The following DLGAP2 variants were observed in gnomAD, a reference collection of about 807,000 sequenced individuals.
DLGAP2 encodes DLG associated protein 2.
DLGAP2 carries 26 observed loss-of-function variants against 100.3 expected under a neutral mutation model. The observed-to-expected ratio is 0.26, with a 90% CI of 0.19 to 0.36. The LOEUF (loss-of-function observed/expected upper bound fraction) is 0.36. Ranked by LOEUF, DLGAP2 falls within the 10% of genes least tolerant of loss-of-function variation. The pLI is 1.00. For synonymous variants in DLGAP2, 886 were observed against 630.1 expected (o/e 1.41, Z -6.08); for missense variants, 1,858 against 1,453.2 (o/e 1.28, Z -4.53).
chr8:1,437,999 T>C (rs905108713), intron 3 of DLGAP2, among the ~76,000 whole-genome samples: 2 of 151,696 alleles, frequency 1.3e-5, no homozygotes, highest in South Asian at 4.2e-4. Flanking sequence ...AAAAATAAAA[T>C]GAATAAAATA....
At chr8:1,004,151 A>G (rs1051167756) in intron 2 of DLGAP2, among the ~76,000 whole-genome samples, 1 of 152,230 alleles carries the variant, frequency 6.6e-6, no homozygotes, top group Non-Finnish European at 1.5e-5. Context: ...CATACAAATT[A>G]AAATTCCCCT....
At chr8:1,628,650 C>T (rs113719487) in intron 7 of DLGAP2, among the ~76,000 whole-genome samples, 2 of 146,602 alleles carry the variant, frequency 1.4e-5, no homozygotes, top group Non-Finnish European at 3.0e-5. Flanking sequence ...TTCTGTCTGA[C>T]TTACTGTGGA....
intron 3 of DLGAP2, among the ~76,000 whole-genome samples, chr8:1,424,097 A>C (rs1464790186): frequency 6.6e-6 from 1 of 152,244 alleles, no homozygotes; most frequent in South Asian, 2.1e-4. Flanking sequence ...GGACACCAGC[A>C]TGAAGGTCCT....
chr8:1,442,710 G>A (rs1235244252), intron 3 of DLGAP2, among the ~76,000 whole-genome samples: 1 of 148,244 alleles, frequency 6.7e-6, no homozygotes, highest in Non-Finnish European at 1.5e-5. Flanking sequence ...TGGAGGAGAC[G>A]GATCCGGGCA....
intron 8 of DLGAP2, among the ~76,000 whole-genome samples, chr8:1,647,798 G>T (rs2469678): frequency 6.6e-6 from 1 of 152,152 alleles, no homozygotes; most frequent in Non-Finnish European, 1.5e-5. Flanking sequence ...GAACCCCAGA[G>T]ATTTATCTCT....
chr8:807,939 G>C (rs115254762), intron 1 of DLGAP2, among the ~76,000 whole-genome samples: 6,729 of 152,268 alleles, frequency 0.044, 245 homozygotes, highest in African/African-American at 0.091. Flanking sequence ...ACCGGGTCTT[G>C]TGATAAGATG....
chr8:1,106,592 C>A (rs1005007459), intron 2 of DLGAP2, among the ~76,000 whole-genome samples: 1 of 147,766 alleles, frequency 6.8e-6, no homozygotes. Flanking sequence ...GGAGGGTTTT[C>A]TGCTGAAGGA....
In DLGAP2 at chr8:1,010,326, CAT is replaced by C. The variant is rs555629636; in HGVS notation, c.73+102361_73+102362del. 7.6e-4 allele frequency among the ~76,000 whole-genome samples: 116 copies of C among 152,198 alleles called. 2 individuals are homozygous for C. Among genetic ancestry groups the C allele is most frequent in the African/African-American group, 2.7e-3 (114 of 41,504 alleles). ...TATCAGTTTTATACACACATACACA[CAT>C]GTGCCCACATATGCACACACATGCA... On this transcript the variant is annotated intron_variant, in intron 2 of 14. Transcript: ENST00000637795.
intron 1 of DLGAP2, among the ~76,000 whole-genome samples, chr8:750,087 G>A (rs1193024338): frequency 6.6e-6 from 1 of 152,260 alleles, no homozygotes; most frequent in East Asian, 1.9e-4. Context: ...CCTCTGCAAA[G>A]CCTGTCTTCC....
chr8:1,637,243 G>A (rs1345730728), intron 8 of DLGAP2, among the ~76,000 whole-genome samples: 1 of 152,108 alleles, frequency 6.6e-6, no homozygotes, highest in South Asian at 2.1e-4. Context: ...AATAAAACAC[G>A]CTATATGGGG....
chr8:1,645,488 A>G (rs1798019893), intron 8 of DLGAP2, among the ~76,000 whole-genome samples: 1 of 152,244 alleles, frequency 6.6e-6, no homozygotes, highest in Non-Finnish European at 1.5e-5. Flanking sequence ...TTTTTAGTGT[A>G]TGATGGGTTT....
intron 3 of DLGAP2, among the ~76,000 whole-genome samples, chr8:1,347,868 A>T (rs1487271890): frequency 7.2e-6 from 1 of 139,584 alleles, no homozygotes; most frequent in Non-Finnish European, 1.6e-5. Context: ...GCTACATTGC[A>T]CTCATGGTAG....
intron 1 of DLGAP2, among the ~76,000 whole-genome samples, chr8:746,592 G>A (rs577907742): frequency 6.6e-6 from 1 of 152,362 alleles, no homozygotes; most frequent in East Asian, 1.9e-4. Context: ...CTGGGCATGA[G>A]CCCCTCATCT....
chr8:1,257,702 G>C (rs1799257262), intron 2 of DLGAP2, among the ~76,000 whole-genome samples: 1 of 151,380 alleles, frequency 6.6e-6, no homozygotes, highest in Admixed American at 6.6e-5. Flanking sequence ...GTGCTGGCGT[G>C]GAAGAGCCGG....
intron 8 of DLGAP2, among the ~76,000 whole-genome samples, chr8:1,641,457 T>A (rs1797896913): frequency 1.3e-5 from 2 of 152,158 alleles, no homozygotes; most frequent in Non-Finnish European, 2.9e-5. Context: ...GGTAATGAGA[T>A]TTCAAGATGA....
intron 1 of DLGAP2, among the ~76,000 whole-genome samples, chr8:894,439 T>G (rs188171966): frequency 6.6e-6 from 1 of 151,982 alleles, no homozygotes; most frequent in Non-Finnish European, 1.5e-5. Flanking sequence ...GGAATACTAT[T>G]TAGCCTTAAA....
At chr8:1,627,834 G>A (rs966228912) in intron 7 of DLGAP2, among the ~76,000 whole-genome samples, 18 of 145,774 alleles carry the variant, frequency 1.2e-4, no homozygotes, top group African/African-American at 4.7e-4. Flanking sequence ...GTGGAGCAGG[G>A]ATTAAGAGCC....
At chr8:1,338,353 A>G (rs763901111) in intron 3 of DLGAP2, among the ~76,000 whole-genome samples, 2 of 152,244 alleles carry the variant, frequency 1.3e-5, no homozygotes, top group Non-Finnish European at 2.9e-5. Flanking sequence ...CACCACATAC[A>G]GATGCAAATA....
intron 2 of DLGAP2, among the ~76,000 whole-genome samples, chr8:1,118,372 C>G (rs2129047097): frequency 1.3e-5 from 2 of 152,260 alleles, no homozygotes; most frequent in South Asian, 4.1e-4. Context: ...TGTTCAGTTC[C>G]TTACGTGACT....
Sources: gnomAD v4.1 joint callset for allele counts (sites outside exome capture counted in the v4.1 genomes callset) on GRCh38, gnomAD v4.1.1 for gene constraint, MANE v1.5 for transcripts, NCBI Gene and HGNC (gene_info 2026-07-23, HGNC 2026-07-21) for gene names.